Variants in RELL1 observed in about 807,000 individuals in gnomAD.
RELL1 encodes the protein RELT-like protein 1.
A neutral mutation model predicts 23.0 loss-of-function variants in RELL1; 10 were observed. That is an observed-to-expected ratio of 0.43 (90% CI 0.27 to 0.74). The LOEUF is 0.74. Ranked by LOEUF, RELL1 falls within the 30% of genes least tolerant of loss-of-function variation. The probability of loss-of-function intolerance (pLI) is 0.19; values close to 1 mark genes in which losing one functional copy is unlikely to be tolerated. For synonymous variants in RELL1, 146 were observed against 146.8 expected, an observed-to-expected ratio of 0.99 and a Z score of 0.04; for missense variants, 315 against 364.4, an observed-to-expected ratio of 0.86 and a Z score of 1.10.
intron 3 of RELL1, among the ~76,000 whole-genome samples, chr4:37,639,982 A>T (rs1486228541): frequency 1.3e-5 from 2 of 151,834 alleles, no homozygotes; most frequent in East Asian, 3.9e-4. Flanking sequence ...TACCCTAATG[A>T]CTCTCCCATT....
chr4:37,630,074 G>A (rs1033430795), intron 6 of RELL1, among the ~76,000 whole-genome samples: 7 of 152,018 alleles, frequency 4.6e-5, no homozygotes, highest in African/African-American at 1.7e-4. Context: ...CTGACTCCAG[G>A]GTTCATGTCA....
intron 6 of RELL1, among the ~76,000 whole-genome samples, chr4:37,592,489 A>G (rs1261689408): frequency 6.6e-6 from 1 of 152,206 alleles, no homozygotes; most frequent in Non-Finnish European, 1.5e-5. Flanking sequence ...TCTTACCTCA[A>G]AGATGAACAA....
At chr4:37,663,697 T>C (rs778586088) in intron 1 of RELL1, among the ~76,000 whole-genome samples, 4 of 152,124 alleles carry the variant, frequency 2.6e-5, no homozygotes, top group Non-Finnish European at 4.4e-5. Flanking sequence ...GAGGACAGGA[T>C]CCAACCCAGA....
downstream of RELL1, among the ~76,000 whole-genome samples, chr4:37,586,324 T>G (rs1718339160): frequency 6.6e-6 from 1 of 152,200 alleles, no homozygotes. Context: ...GTGCTCTCGT[T>G]TTTAATCCAT....
chr4:37,662,412 G>A (rs190194609), intron 1 of RELL1, among the ~76,000 whole-genome samples: 3 of 152,090 alleles, frequency 2.0e-5, no homozygotes, highest in Admixed American at 2.0e-4. Context: ...AAAGAAAAAG[G>A]ACTTTATGCT....
chr4:37,602,568 T>C (rs1719044042), intron 6 of RELL1, among the ~76,000 whole-genome samples: 1 of 151,964 alleles, frequency 6.6e-6, no homozygotes, highest in Non-Finnish European at 1.5e-5. Context: ...GCCACTCTGA[T>C]CAGCCGTGGG....
intron 6 of RELL1, among the ~76,000 whole-genome samples, chr4:37,616,793 ACTT>A (rs1195217031): frequency 6.6e-6 from 1 of 152,222 alleles, no homozygotes; most frequent in Non-Finnish European, 1.5e-5. Flanking sequence ...TAAGGCTCAC[ACTT>A]CTTAGTTAGA....
rs1169768122 is a variant in RELL1, at chr4:37,612,941, CACACATGCAT to C, written c.*395_*404del. 6.6e-6 allele frequency: 1 copy of C among 152,238 alleles called. No individual in the cohort carries two copies. Among genetic ancestry groups the C allele is most frequent in the Non-Finnish European group, 1.5e-5 (1 of 68,094 alleles). 9.4% of individuals were successfully genotyped at this position (152,238 alleles called of 1,614,324 possible). ...GGAAAAAGAAACACACACTCACGTG[CACACATGCAT>C]ACACATATACACACACACCCCTGAG... is the stretch of plus-strand genomic sequence containing the variant. On this transcript the variant is annotated 3_prime_UTR_variant, in exon 7 of 7. Transcript: ENST00000454158.
rs577143082 is a variant in RELL1 at position 37,610,655 on chromosome 4, T to A, written c.*2691A>T. 6.6e-6 allele frequency among the ~76,000 whole-genome samples: 1 copy of A among 152,362 alleles called. No individual in the cohort carries two copies. Among genetic ancestry groups the A allele is most frequent in the African/African-American group, 2.4e-5 (1 of 41,584 alleles). On this transcript the variant is annotated 3_prime_UTR_variant, in exon 7 of 7. Coordinates refer to ENST00000454158, the MANE Select transcript of RELL1 (RefSeq NM_001085400.2). This position sits in a 1 kb window ranked among gnomAD's most constrained non-coding sequence, Gnocchi z 4.1. ...ACACTGCGTTTAACATTTTTATTTT[T>A]AACTCCGCTTTGGTAGTACAAAAGT...
downstream of RELL1, chr4:37,590,151 G>A: frequency 3.1e-6 from 5 of 1,614,178 alleles, no homozygotes; most frequent in Non-Finnish European, 4.2e-6. Flanking sequence ...ACAGCTGCAA[G>A]CTAGATGAAG....
intron 1 of RELL1, among the ~76,000 whole-genome samples, chr4:37,653,347 AAT>A: frequency 1.9e-5 from 1 of 52,074 alleles, no homozygotes; most frequent in Non-Finnish European, 3.8e-5. Flanking sequence ...TTGAAACCTC[AAT>A]ACAAGTATTG....
chr4:37,613,813 C>T (rs564251004), intron 6 of RELL1, among the ~76,000 whole-genome samples: 1 of 152,304 alleles, frequency 6.6e-6, no homozygotes, highest in Admixed American at 6.5e-5. Flanking sequence ...AACAACTGGC[C>T]CTTGTCAATG....
At chr4:37,629,141 A>G (rs1481389603) in intron 6 of RELL1, among the ~76,000 whole-genome samples, 1 of 152,172 alleles carries the variant, frequency 6.6e-6, no homozygotes, top group Non-Finnish European at 1.5e-5. Context: ...TTCTGGTGCA[A>G]TCGGCTCCAT....
In RELL1 at chr4:37,635,110, TG is replaced by T; in HGVS notation, c.456del (p.Ser153AlafsTer8). ...SLYDPESPVT[P>X]STPGSPPVSP... The stretch of plus-strand genomic sequence containing the variant: ...CTCACTGGCGGGCTCCCTGGTGTGC[TG>T]GGGGTCACGGGGCTAATGTGGGGAG... On this transcript the variant is annotated frameshift_variant, in exon 5 of 7. Coordinates refer to ENST00000454158, the MANE Select transcript of RELL1 (RefSeq NM_001085400.2). LOFTEE classifies it high-confidence loss of function. The T allele has an allele frequency of 1.2e-6, 2 of 1,613,846 alleles. No individual in the cohort carries two copies. The highest frequency in any genetic ancestry group is 1.7e-6 in the Non-Finnish European group (2 of 1,179,918).
intron 1 of RELL1, among the ~76,000 whole-genome samples, chr4:37,655,967 G>T (rs1335324503): frequency 6.6e-6 from 1 of 152,170 alleles, no homozygotes; most frequent in African/African-American, 2.4e-5. Context: ...GTTAAAAATA[G>T]AACTACCATG....
At position 37,649,405 on chromosome 4, in the gene RELL1, C is replaced by T. The variant is rs1230436998; in HGVS notation, c.184G>A (p.Ala62Thr). 21 of 1,614,086 alleles carry T rather than the reference C, an allele frequency of 1.3e-5. No individual in the cohort carries two copies. The highest frequency in any genetic ancestry group is 4.0e-5 in the African/African-American group (3 of 74,926). Residue 62 changes from alanine (A) to threonine (T), a missense_variant, in exon 2 of 7, where the codon GCG (alanine) becomes ACG (threonine). Ala to Thr is a moderately conservative substitution (Grantham distance 58). Transcript: ENST00000454158. ...ATGATAAAGAACACAGGGACAAGCG[C>T]GTATGCAATATATTCTGGGTGTCCA... is the stretch of plus-strand genomic sequence containing the variant. ...GNGHPEYIAY[A>T]LVPVFFIMGL...
intron 1 of RELL1, among the ~76,000 whole-genome samples, chr4:37,674,731 T>G (rs1214365379): frequency 1.7e-5 from 1 of 60,244 alleles, no homozygotes; most frequent in Non-Finnish European, 3.9e-5. Context: ...TCCCAAGTTG[T>G]ACTGTGATAC....
chr4:37,641,854 T>A lies in RELL1; in HGVS notation c.386-3350A>T, dbSNP rs142675312. Among the ~76,000 whole-genome samples, 1,017 of 152,320 alleles carry A rather than the reference T, an allele frequency of 6.7e-3. 12 individuals carry two copies. The highest frequency in any genetic ancestry group is 0.023 in the African/African-American group (950 of 41,570). On this transcript the variant is annotated intron_variant, in intron 3 of 6. Transcript: ENST00000454158. ...GCGCCGGCACGTGCCAGTCACTGCC[T>A]GAAAGCTTTACCGATCTTACGTGTT...
intron 5 of RELL1, among the ~76,000 whole-genome samples, chr4:37,632,488 C>A (rs181684402): frequency 2.2e-3 from 330 of 152,176 alleles, no homozygotes; most frequent in Non-Finnish European, 3.6e-3. Flanking sequence ...TTTTTTTAAC[C>A]ACAGAAACCT....
Sources: gnomAD v4.1 joint callset for allele counts (sites outside exome capture counted in the v4.1 genomes callset) on GRCh38, gnomAD v4.1.1 for gene constraint, Gnocchi (gnomAD v3.1) non-coding constraint, MANE v1.5 for transcripts, NCBI Gene and HGNC (gene_info 2026-07-23, HGNC 2026-07-21) for gene names.